ARHGAP42: variants seen among roughly 807,000 people sequenced by gnomAD.
ARHGAP42 encodes the protein Rho GTPase activating protein 42, also known as rho GTPase-activating protein 42.
A neutral mutation model predicts 125.0 loss-of-function variants in ARHGAP42; 63 were observed. The ratio of observed to expected loss-of-function variants is 0.50; its 90% CI spans 0.41 to 0.62. ARHGAP42 has a LOEUF of 0.62. ARHGAP42 is among the 20% of genes least tolerant of loss of function. ARHGAP42 has a pLI of 0.00. For missense variants in ARHGAP42, 766 were observed against 1,024.2 expected (o/e 0.75, Z 3.44); for synonymous variants, 339 against 351.0 (o/e 0.97, Z 0.38).
intron 3 of ARHGAP42, among the ~76,000 whole-genome samples, chr11:100,827,215 C>A (rs918265387): frequency 6.6e-6 from 1 of 152,038 alleles, no homozygotes; most frequent in Non-Finnish European, 1.5e-5. Flanking sequence ...GTTGGCCAGG[C>A]TGGTCTCAAA....
chr11:100,878,804 T>C (rs1591262412), intron 4 of ARHGAP42, among the ~76,000 whole-genome samples: 1 of 152,192 alleles, frequency 6.6e-6, no homozygotes, highest in South Asian at 2.1e-4. Context: ...ATTACAACAC[T>C]GCTTCCTGGC....
chr11:100,815,394 G>A (rs1473980069), intron 3 of ARHGAP42, among the ~76,000 whole-genome samples: 1 of 152,162 alleles, frequency 6.6e-6, no homozygotes, highest in African/African-American at 2.4e-5. Context: ...TTGTGTGAAA[G>A]AGAAATAGAG....
chr11:100,963,569 A>T lies in ARHGAP42; in HGVS notation c.1444+1102A>T, dbSNP rs990297168. Among the ~76,000 whole-genome samples the T allele has an allele frequency of 3.3e-5, 5 of 152,360 alleles. No individual in the cohort carries two copies. The East Asian group carries it at 7.7e-4, about 24-fold the overall frequency. ...GTGTGCTGATAAAAGTGTCAGATAA[A>T]GTTGAATGACCTCGGTTTTCAATCC... On this transcript the variant is annotated intron_variant, in intron 16 of 23. Transcript: ENST00000298815.
At chr11:100,718,467 G>T (rs1412762387) in intron 1 of ARHGAP42, among the ~76,000 whole-genome samples, 2 of 152,104 alleles carry the variant, frequency 1.3e-5, no homozygotes, top group African/African-American at 2.4e-5. Flanking sequence ...TAGCTTGGTT[G>T]TCAGAAAAAA....
chr11:100,868,808 A>G (rs73571603), intron 4 of ARHGAP42, among the ~76,000 whole-genome samples: 1,833 of 152,250 alleles, frequency 0.012, 42 homozygotes, highest in African/African-American at 0.041. Context: ...TAATTTCCCC[A>G]TATGAAAAAT....
chr11:100,941,693 C>T (rs907466150), intron 8 of ARHGAP42, 91 bp from the exon 9 acceptor site: 30 of 687,010 alleles, frequency 4.4e-5, no homozygotes, highest in Admixed American at 3.8e-4. Context: ...GAGAGATAAT[C>T]GGTTGTATAT....
At chr11:100,718,316 T>C (rs1006267496) in intron 1 of ARHGAP42, among the ~76,000 whole-genome samples, 1 of 152,216 alleles carries the variant, frequency 6.6e-6, no homozygotes, top group African/African-American at 2.4e-5. Context: ...AGCCACTGGA[T>C]CTAGCATCTG....
intron 2 of ARHGAP42, among the ~76,000 whole-genome samples, chr11:100,789,535 A>G (rs190365735): frequency 1.9e-5 from 2 of 107,244 alleles, no homozygotes; most frequent in South Asian, 2.5e-4. Context: ...AGCCATGGGC[A>G]TGAGTCTTGG....
At chr11:100,822,661 T>C (rs75788995) in intron 3 of ARHGAP42, among the ~76,000 whole-genome samples, 82 of 152,310 alleles carry the variant, frequency 5.4e-4, no homozygotes, top group African/African-American at 1.9e-3. Context: ...AGCAGTGATA[T>C]TCTATCATTA....
Position 100,979,039 on chromosome 11 carries a change from T to C in ARHGAP42, c.2446T>C (p.Ser816Pro), listed in dbSNP as rs538314873. ...AAATGTTGGTTCACCTAAACCAGTTTCTTCTGGGCGGTAAGTTCTCCAAAC... is the reference window on the plus strand; with the variant it reads ...AAATGTTGGTTCACCTAAACCAGTTCCTTCTGGGCGGTAAGTTCTCCAAAC... ...FENVGSPKPV[S>P]SGRQAKAMYS... Residue 816 changes from serine (S) to proline (P), a missense_variant, in exon 22 of 24, where the codon TCT becomes CCT. Transcript: ENST00000298815. 8.4e-6 allele frequency: 13 copies of C among 1,551,552 alleles called. No homozygotes were observed. In the Admixed American group the frequency reaches 9.8e-5, roughly 12 times the overall value.
chr11:100,942,412 G>A (rs1297081685), intron 9 of ARHGAP42, among the ~76,000 whole-genome samples: 1 of 152,136 alleles, frequency 6.6e-6, no homozygotes, highest in African/African-American at 2.4e-5. Context: ...GTCTCACATG[G>A]CTAGTGAACA....
chr11:100,930,910 A>G (rs1867562369), intron 6 of ARHGAP42, among the ~76,000 whole-genome samples: 1 of 152,154 alleles, frequency 6.6e-6, no homozygotes, highest in African/African-American at 2.4e-5. Context: ...TTGAAATAGA[A>G]TACACATTGA....
chr11:100,750,087 G>A (rs1316802688), intron 1 of ARHGAP42, among the ~76,000 whole-genome samples: 1 of 152,170 alleles, frequency 6.6e-6, no homozygotes, highest in African/African-American at 2.4e-5. Flanking sequence ...GAAAACCAGA[G>A]ACTGCCCCCC....
chr11:100,824,275 T>C (rs1260360222), intron 3 of ARHGAP42, among the ~76,000 whole-genome samples: 3 of 152,168 alleles, frequency 2.0e-5, no homozygotes, highest in Non-Finnish European at 4.4e-5. Context: ...CTTACATAGA[T>C]TGTGTGGTCT....
At chr11:100,824,261 C>G (rs1301763795) in intron 3 of ARHGAP42, among the ~76,000 whole-genome samples, 3 of 152,126 alleles carry the variant, frequency 2.0e-5, no homozygotes, top group Non-Finnish European at 4.4e-5. Context: ...CTTTTCTGCA[C>G]ATGCTTACAT....
chr11:100,903,448 G>C (rs1269550816), intron 4 of ARHGAP42, among the ~76,000 whole-genome samples: 3 of 151,666 alleles, frequency 2.0e-5, no homozygotes, highest in Non-Finnish European at 2.9e-5. Context: ...AAAAGCTTCA[G>C]TAACTTTAAT....
At chr11:100,745,598 A>G (rs1318714935) in intron 1 of ARHGAP42, among the ~76,000 whole-genome samples, 1 of 152,224 alleles carries the variant, frequency 6.6e-6, no homozygotes, top group African/African-American at 2.4e-5. Context: ...CTCATTGGAC[A>G]GAGAGCAGTC....
In ARHGAP42 at chr11:100,920,815, T is replaced by C. The variant is rs74408369; in HGVS notation, c.487-679T>C. Among the ~76,000 whole-genome samples the C allele has an allele frequency of 3.7e-3, 557 of 152,278 alleles. 2 individuals are homozygous for C. The highest frequency in any genetic ancestry group is 0.013 in the African/African-American group (526 of 41,570). The stretch of plus-strand genomic sequence containing the variant: ...TCAGTTTAGAGCCATTGAATTTTTA[T>C]TTGTCTGTTTATTTGTTTGACTCTG... On this transcript the variant is annotated intron_variant, in intron 5 of 23. Transcript: ENST00000298815.
At chr11:100,852,811 A>T (rs1865236471) in intron 3 of ARHGAP42, among the ~76,000 whole-genome samples, 1 of 152,132 alleles carries the variant, frequency 6.6e-6, no homozygotes, top group South Asian at 2.1e-4. Context: ...ACATCACTGG[A>T]GTGGTCTAAT....
Sources: gnomAD v4.1 joint callset for allele counts (sites outside exome capture counted in the v4.1 genomes callset) on GRCh38, gnomAD v4.1.1 for gene constraint, MANE v1.5 for transcripts, NCBI Gene and HGNC (gene_info 2026-07-23, HGNC 2026-07-21) for gene names.